Variants in NEB observed in about 807,000 individuals in gnomAD.
NEB encodes nemaline myopathy type 2.
Under a neutral mutation model 952.2 loss-of-function variants are expected in NEB, and 512 were observed. The ratio of observed to expected loss-of-function variants is 0.54; its 90% CI spans 0.50 to 0.58. The LOEUF (loss-of-function observed/expected upper bound fraction) is 0.58. NEB is among the 20% of genes least tolerant of loss of function. The probability of loss-of-function intolerance (pLI) is 0.00; values close to 1 mark genes in which losing one functional copy is unlikely to be tolerated. For missense variants in NEB, 8,428 were observed against 9,231.1 expected (o/e 0.91, Z 3.56); for synonymous variants, 2,900 against 3,149.8 (o/e 0.92, Z 2.66).
chr2:151,560,105 T>C (rs2095933439), intron 124 of NEB, among the ~76,000 whole-genome samples: 1 of 152,186 alleles, frequency 6.6e-6, no homozygotes, highest in African/African-American at 2.4e-5. Context: ...TATGTTTATA[T>C]CTAAGAAAAG....
At chr2:151,733,265 G>T (rs1457231676) in intron 2 of NEB, 80 bp from the exon 3 acceptor site, 17 of 1,044,808 alleles carry the variant, frequency 1.6e-5, no homozygotes, top group Non-Finnish European at 2.2e-5. Context: ...TATAAAAATA[G>T]AATTTGAAGC....
chr2:151,692,169 G>GA lies in NEB; in HGVS notation c.1999-4dup. ...ACATATAAGTCTTTATATCTAGCCT[G>GA]AAAAATAAAACAAATGTAATTCAAG... is the stretch of plus-strand genomic sequence containing the variant. On this transcript the variant is annotated splice_region_variant and splice_polypyrimidine_tract_variant and intron_variant, in intron 21 of 181. Coordinates refer to ENST00000397345, the MANE Select transcript of NEB (RefSeq NM_001164508.2). The GA allele has an allele frequency of 6.2e-7, 1 of 1,612,126 alleles. No homozygotes were observed. Among genetic ancestry groups the GA allele is most frequent in the Non-Finnish European group, 8.5e-7 (1 of 1,178,282 alleles).
chr2:151,619,987 A>G (rs1386017376), intron 72 of NEB, among the ~76,000 whole-genome samples: 1 of 152,134 alleles, frequency 6.6e-6, no homozygotes, highest in Non-Finnish European at 1.5e-5. Flanking sequence ...GTTGGCAAAA[A>G]ATGATAAAAA....
chr2:151,581,428 A>G lies in NEB; in HGVS notation c.16284+55T>C, dbSNP rs2097088867. The stretch of plus-strand genomic sequence containing the variant: ...AAACTCTCTTTGGGGTGTATAATAA[A>G]AGGTTTGGTTAGGCAGAGAGCACTG... On this transcript the variant is annotated intron_variant, in intron 103 of 181. Transcript: ENST00000397345. 1.6e-5 allele frequency: 8 copies of G among 495,612 alleles called. No individual in the cohort carries two copies. In the East Asian group the frequency reaches 2.6e-4, roughly 16 times the overall value. The allele number at this position is 495,612 out of a possible 1,614,324, so 30.7% of individuals were successfully genotyped here.
rs760793891 is a variant in NEB at position 151,545,892 on chromosome 2, CT to C, written c.20572del (p.Ser6858ValfsTer26). The C allele has an allele frequency of 6.3e-7, 1 of 1,591,508 alleles. No individual in the cohort carries two copies. Among genetic ancestry groups the C allele is most frequent in the Non-Finnish European group, 8.6e-7 (1 of 1,162,772 alleles). ...RKVQELKTHL[S>X]ELVYRAAGKK... ...TGACAAGTAAAGCGTCCTTACCTCA[CT>C]CAGATGTGTCTTCAGTTCTTGCACT... On this transcript the variant is annotated frameshift_variant, in exon 135 of 182. Transcript: ENST00000397345. LOFTEE classifies it high-confidence loss of function.
At chr2:151,663,991 G>A (rs2099175808) in intron 44 of NEB, 132 bp from the exon 45 acceptor site, 20 of 811,558 alleles carry the variant, frequency 2.5e-5, no homozygotes, top group Non-Finnish European at 3.7e-5. Flanking sequence ...AGGCACTCGT[G>A]AGAGGGAGGG....
intron 181 of NEB, among the ~76,000 whole-genome samples, chr2:151,488,019 A>G (rs2052517705): frequency 6.6e-6 from 1 of 152,104 alleles, no homozygotes; most frequent in African/African-American, 2.4e-5. Context: ...ATTCTTGGTT[A>G]CTAGCACTTT....
chr2:151,570,838 A>G (rs965958884), intron 107 of NEB, among the ~76,000 whole-genome samples: 1 of 151,974 alleles, frequency 6.6e-6, no homozygotes, highest in Non-Finnish European at 1.5e-5. Flanking sequence ...ATTATTTTTA[A>G]TGTTTTATAT....
At chr2:151,542,376 C>T (rs140343145) in intron 135 of NEB, among the ~76,000 whole-genome samples, 38 of 152,264 alleles carry the variant, frequency 2.5e-4, no homozygotes, top group African/African-American at 9.1e-4. Context: ...TCTACATATC[C>T]AGTGTCTTTC....
chr2:151,688,684 C>T (rs1029697888), intron 24 of NEB, among the ~76,000 whole-genome samples: 5 of 151,992 alleles, frequency 3.3e-5, no homozygotes, highest in African/African-American at 1.2e-4. Context: ...ACATATATAC[C>T]TGTGATAAAG....
In NEB at chr2:151,525,233, G is replaced by A; in HGVS notation, c.22202C>T (p.Ser7401Phe). 1 of 1,613,916 alleles carries A rather than the reference G, an allele frequency of 6.2e-7. No individual in the cohort carries two copies. Among genetic ancestry groups the A allele is most frequent in the Non-Finnish European group, 8.5e-7 (1 of 1,179,810 alleles). ...TGGCTCCAGCATGATGGAGTAGTTG[G>A]ATTTTCCTTTCTCCTTGACAAACTT... ...KKKFVKEKGK[S>F]NYSIMLEPPE... The change falls in exon 151 of 182, where the codon TCC becomes TTC. Residue 7401 changes from serine (S) to phenylalanine (F), a missense_variant. By Grantham distance (155) the Ser-to-Phe change is radical. This residue lies in a region of NEB where 3,374 missense variants were observed against 3,651.5 expected (regional missense o/e 0.92). Transcript: ENST00000397345.
At chr2:151,685,151 C>G (rs765523086) in intron 27 of NEB, among the ~76,000 whole-genome samples, 176 bp from the exon 28 acceptor site, 1 of 152,070 alleles carries the variant, frequency 6.6e-6, no homozygotes, top group Non-Finnish European at 1.5e-5. Flanking sequence ...CCAAAAAGCA[C>G]GCATGGGCAG....
At chr2:151,705,372 C>G (rs1396344292) in intron 13 of NEB, among the ~76,000 whole-genome samples, 1 of 152,064 alleles carries the variant, frequency 6.6e-6, no homozygotes, top group African/African-American at 2.4e-5. Context: ...ATATTCCTGT[C>G]TTTATCAACA....
chr2:151,544,517 A>G (rs970096235), intron 135 of NEB, among the ~76,000 whole-genome samples: 7 of 152,226 alleles, frequency 4.6e-5, no homozygotes, highest in Admixed American at 4.6e-4. Flanking sequence ...TCCACAGGTG[A>G]TTCTCATACT....
chr2:151,712,488 C>T (rs1289200838), intron 10 of NEB, among the ~76,000 whole-genome samples: 1 of 152,178 alleles, frequency 6.6e-6, no homozygotes, highest in Non-Finnish European at 1.5e-5. Context: ...GTCCTTCCTT[C>T]CTTCTTAATC....
At chr2:151,722,197 C>T (rs1051582325) in intron 9 of NEB, among the ~76,000 whole-genome samples, 8 of 152,148 alleles carry the variant, frequency 5.3e-5, no homozygotes, top group South Asian at 4.1e-4. Flanking sequence ...AATAACTTGT[C>T]GCTTTATAAT....
In NEB at chr2:151,649,286, G is replaced by T. The variant is rs374805021; in HGVS notation, c.7431+890C>A. ...CAGCATTATAAAAAGTCTGTGAGGGGTTAGTTAGGAAAAGAGGAACTACAG... is the reference window on the plus strand; with the variant it reads ...CAGCATTATAAAAAGTCTGTGAGGGTTTAGTTAGGAAAAGAGGAACTACAG... On this transcript the variant is annotated intron_variant, in intron 54 of 181. Coordinates refer to ENST00000397345, the MANE Select transcript of NEB (RefSeq NM_001164508.2). Among the ~76,000 whole-genome samples the T allele has an allele frequency of 1.8e-3, 276 of 152,234 alleles. 10 individuals carry two copies. The South Asian group carries it at 0.056, about 31-fold the overall frequency.
intron 27 of NEB, among the ~76,000 whole-genome samples, chr2:151,686,282 C>T (rs1216935941): frequency 6.6e-6 from 1 of 152,216 alleles, no homozygotes; most frequent in Non-Finnish European, 1.5e-5. Flanking sequence ...GTGTCTGCAG[C>T]TTAGCATTTT....
rs558935171 is a variant in NEB, at chr2:151,529,266, C to G, written c.21679G>C (p.Glu7227Gln). 1 of 1,613,640 alleles carries G rather than the reference C, an allele frequency of 6.2e-7. No individual in the cohort carries two copies. The highest frequency in any genetic ancestry group is 1.7e-5 in the Admixed American group (1 of 60,024). Residue 7227 changes from glutamate to glutamine, a missense_variant, in exon 146 of 182, where the codon GAG becomes CAG. Coordinates refer to ENST00000397345, the MANE Select transcript of NEB (RefSeq NM_001164508.2). ...GCTTTGATATGAACAGCATCTGGCT[C>G]AATGGTGCAGTTGGATTTATTTCTT... ...YQRNKSNCTI[E>Q]PDAVHIKAAK...
Sources: gnomAD v4.1 joint callset for allele counts (sites outside exome capture counted in the v4.1 genomes callset) on GRCh38, gnomAD v4.1.1 for gene constraint, gnomAD v4.1.1 regional missense constraint, MANE v1.5 for transcripts, NCBI Gene and HGNC (gene_info 2026-07-23, HGNC 2026-07-21) for gene names.